Variants in SPATA18 observed in about 807,000 individuals in gnomAD.
SPATA18 encodes spermatogenesis associated 18, also known as mitochondria-eating protein.
In SPATA18, 54 loss-of-function variants were observed where a neutral mutation model predicts 68.1. That is an observed-to-expected ratio of 0.79 (90% CI 0.64 to 0.99). SPATA18 has a LOEUF of 0.99. SPATA18 is among the 50% of genes least tolerant of loss of function. The probability of loss-of-function intolerance (pLI) is 0.00; values close to 1 mark genes in which losing one functional copy is unlikely to be tolerated. For missense variants in SPATA18, 724 were observed against 681.1 expected, an observed-to-expected ratio of 1.06 and a Z score of -0.70; for synonymous variants, 242 against 244.8, an observed-to-expected ratio of 0.99 and a Z score of 0.11.
intron 1 of SPATA18, among the ~76,000 whole-genome samples, chr4:52,059,742 C>T (rs1316957479): frequency 4.6e-5 from 7 of 152,166 alleles, no homozygotes; most frequent in Non-Finnish European, 1.0e-4. Context: ...AGTGCCAAGT[C>T]CCTTATATCC....
At position 52,078,817 on chromosome 4, in the gene SPATA18, C is replaced by G; in HGVS notation, c.1103C>G (p.Ser368Trp). Residue 368 changes from serine (S) to tryptophan (W), a missense_variant, in exon 8 of 13, where the codon TCG (serine) becomes TGG (tryptophan). Transcript: ENST00000295213. The part of the protein sequence containing the change: ...RKSLTPSYVG[S>W]NDFENAVLDY... ...TCGTTGACACCATCTTATGTGGGGT[C>G]GAATGACTTTGAGAATGCTGTCTTG... 6.2e-7 allele frequency: 1 copy of G among 1,609,564 alleles called. No individual in the cohort carries two copies. Among genetic ancestry groups the G allele is most frequent in the Non-Finnish European group, 8.5e-7 (1 of 1,176,404 alleles).
At position 52,076,802 on chromosome 4, in the gene SPATA18, G is replaced by A. The variant is rs1162301219; in HGVS notation, c.782G>A (p.Ser261Asn). Residue 261 changes from serine to asparagine, a missense_variant, in exon 7 of 13, where the codon AGC becomes AAC. Transcript: ENST00000295213. ...QGRSSRSRSP[S>N]PAPRSRSCSR... ...AGGTCCTCCAGGAGCCGGTCTCCCA[G>A]CCCTGCCCCTCGCAGCCGTAGCTGC... The A allele has an allele frequency of 1.9e-6, 3 of 1,614,008 alleles. No homozygotes were observed. Among genetic ancestry groups the A allele is most frequent in the Non-Finnish European group, 2.5e-6 (3 of 1,179,928 alleles).
chr4:52,072,153 G>T lies in SPATA18; in HGVS notation c.755G>T (p.Gly252Val), dbSNP rs1246197338. 2.5e-6 allele frequency: 4 copies of T among 1,613,836 alleles called. No individual in the cohort carries two copies. The African/African-American group carries it at 4.0e-5, about 16-fold the overall frequency. Residue 252 changes from glycine (G) to valine (V), a missense_variant, in exon 6 of 13, where the codon GGA becomes GTA. Gly to Val is a moderately radical substitution (Grantham distance 109). Coordinates refer to ENST00000295213, the MANE Select transcript of SPATA18 (RefSeq NM_145263.4). ...TCTGCTGAGAAAAGTGCACTCCAAGGAAGGTCAGACAAACTCTCAAAGATC... is the reference window on the plus strand; with the variant it reads ...TCTGCTGAGAAAAGTGCACTCCAAGTAAGGTCAGACAAACTCTCAAAGATC... ...VLSAEKSALQ[G>V]RSSRSRSPSP...
chr4:52,078,651 G>A, intron 7 of SPATA18, 84 bp from the exon 8 acceptor site: 1 of 1,284,484 alleles, frequency 7.8e-7, no homozygotes, highest in Non-Finnish European at 1.1e-6. Context: ...TGATGTTGAA[G>A]CTCGGATTCT....
Position 52,076,816 on chromosome 4 carries a change from A to T in SPATA18, c.796A>T (p.Ser266Cys), listed in dbSNP as rs574643999. Reference protein sequence around the residue: ...RSRSPSPAPRSRSCSRSRSAS... With the variant: ...RSRSPSPAPRCRSCSRSRSAS... The stretch of plus-strand genomic sequence containing the variant: ...CCGGTCTCCCAGCCCTGCCCCTCGC[A>T]GCCGTAGCTGCAGCCGCAGCAGATC... The change falls in exon 7 of 13, where the codon AGC (serine) becomes TGC (cysteine). Residue 266 changes from serine (S) to cysteine (C), a missense_variant. Coordinates refer to ENST00000295213, the MANE Select transcript of SPATA18 (RefSeq NM_145263.4). The T allele has an allele frequency of 4.3e-6, 7 of 1,614,102 alleles. No individual in the cohort carries two copies. The East Asian group carries it at 1.6e-4, about 36-fold the overall frequency.
chr4:52,058,978 G>A (rs1738597517), intron 1 of SPATA18, among the ~76,000 whole-genome samples: 1 of 152,148 alleles, frequency 6.6e-6, no homozygotes, highest in Non-Finnish European at 1.5e-5. Context: ...CACTAATAGA[G>A]CCTGGCATAT....
intron 1 of SPATA18, 37 bp downstream of exon 1, chr4:52,051,828 C>G (rs761545566): frequency 9.6e-6 from 15 of 1,569,320 alleles, no homozygotes; most frequent in Middle Eastern, 1.7e-4. Flanking sequence ...GTTCGCCCTC[C>G]CATAGGTTCC....
chr4:52,062,404 G>T (rs1207910919), intron 4 of SPATA18, 72 bp downstream of exon 4: 1 of 1,032,076 alleles, frequency 9.7e-7, no homozygotes, highest in Non-Finnish European at 1.5e-6. Context: ...AATTCGAAAG[G>T]AGAATAATGG....
intron 6 of SPATA18, 43 bp from the exon 7 acceptor site, chr4:52,076,736 G>A: frequency 6.3e-7 from 1 of 1,599,686 alleles, no homozygotes; most frequent in Non-Finnish European, 8.5e-7. Context: ...TACTTAAGAA[G>A]CAAATCAAAG....
chr4:52,093,433 A>T (rs547178425), intron 11 of SPATA18, among the ~76,000 whole-genome samples: 1 of 152,288 alleles, frequency 6.6e-6, no homozygotes, highest in South Asian at 2.1e-4. Flanking sequence ...CTAAAAAATG[A>T]TAGGGAAATG....
chr4:52,072,223 G>T, intron 6 of SPATA18, 67 bp downstream of exon 6: 1 of 1,564,996 alleles, frequency 6.4e-7, no homozygotes, highest in Non-Finnish European at 8.6e-7. Flanking sequence ...TCGGGGAGGA[G>T]GAAATAAGTA....
chr4:52,080,420 C>T (rs1481587413), intron 9 of SPATA18, among the ~76,000 whole-genome samples: 1 of 152,176 alleles, frequency 6.6e-6, no homozygotes, highest in Admixed American at 6.5e-5. Flanking sequence ...AATTAATGCT[C>T]TTGACTCTTT....
At chr4:52,091,477 T>C (rs971062334) in intron 11 of SPATA18, among the ~76,000 whole-genome samples, 1 of 152,146 alleles carries the variant, frequency 6.6e-6, no homozygotes, top group Non-Finnish European at 1.5e-5. Context: ...GGTCTTTGAG[T>C]GGACATGCTA....
chr4:52,076,076 GA>G (rs1244042865), intron 6 of SPATA18, among the ~76,000 whole-genome samples: 1 of 152,178 alleles, frequency 6.6e-6, no homozygotes, highest in East Asian at 1.9e-4. Context: ...ACCTCACAGA[GA>G]GGCAAAACAT....
intron 2 of SPATA18, 77 bp from the exon 3 acceptor site, chr4:52,060,705 C>A (rs1169366154): frequency 7.9e-7 from 1 of 1,261,334 alleles, no homozygotes; most frequent in Non-Finnish European, 1.1e-6. Flanking sequence ...ATGTACACAA[C>A]GTGCAGGTTA....
Position 52,051,737 on chromosome 4 carries a change from C to G in SPATA18, c.33C>G (p.Asn11Lys). Residue 11 changes from asparagine to lysine, a missense_variant, in exon 1 of 13, where the codon AAC (asparagine) becomes AAG (lysine). By Grantham distance (94) the Asn-to-Lys change is moderately conservative. Coordinates refer to ENST00000295213, the MANE Select transcript of SPATA18 (RefSeq NM_145263.4). Reference protein sequence around the residue: MAENLKRLVSNETLRTLQEKL... With the variant: MAENLKRLVSKETLRTLQEKL... ...AAAACCTGAAAAGACTGGTCTCAAA[C>G]GAAACTTTACGAACGTTGCAGGAAA... 1 of 1,614,214 alleles carries G rather than the reference C, an allele frequency of 6.2e-7. No homozygotes were observed. Among genetic ancestry groups the G allele is most frequent in the African/African-American group, 1.3e-5 (1 of 75,072 alleles).
chr4:52,076,934 G>A lies in SPATA18; in HGVS notation c.914G>A (p.Arg305Gln), dbSNP rs140245632. ...NVARKAALLSRFSDSYSQARL... is the reference protein window; with the variant it reads ...NVARKAALLSQFSDSYSQARL... ...GCGCGCAAGGCTGCCCTCTTGTCCC[G>A]GTTCAGCGATTCCTATTCCCAGGCC... The change falls in exon 7 of 13, where the codon CGG becomes CAG. Residue 305 changes from arginine to glutamine, a missense_variant. By Grantham distance (43) the Arg-to-Gln change is conservative (BLOSUM62 1). Transcript: ENST00000295213. The A allele has an allele frequency of 2.8e-5, 46 of 1,614,064 alleles. No individual in the cohort carries two copies. The African/African-American group carries it at 5.6e-4, about 20-fold the overall frequency.
chr4:52,051,518 C>T lies in SPATA18; in HGVS notation c.-187C>T. 2 of 613,718 alleles carry T rather than the reference C, an allele frequency of 3.3e-6. No individual in the cohort carries two copies. The highest frequency in any genetic ancestry group is 2.0e-5 in the South Asian group (1 of 50,264). The allele number at this position is 613,718 out of a possible 1,614,324, so 38.0% of individuals were successfully genotyped here. A position where few individuals can be genotyped will look rare whatever the true frequency, so the allele number is the denominator to read the frequency against. On this transcript the variant is annotated 5_prime_UTR_variant, in exon 1 of 13. Coordinates refer to ENST00000295213, the MANE Select transcript of SPATA18 (RefSeq NM_145263.4). ...GCGCGGCGGCTGCGGCCCAGGGCAC[C>T]TCCCCTCTGGCTTCCCGAACCCGGC...
Position 52,078,075 on chromosome 4 carries a change from A to G in SPATA18, c.1021-660A>G, listed in dbSNP as rs550023109. ...AAATACTACTGTCTGAAAGCTAAGA[A>G]TGTAAGAATGTTTTTAGATTTTTAA... On this transcript the variant is annotated intron_variant, in intron 7 of 12. Coordinates refer to ENST00000295213, the MANE Select transcript of SPATA18 (RefSeq NM_145263.4). Among the ~76,000 whole-genome samples, 74 of 146,396 alleles carry G rather than the reference A, an allele frequency of 5.1e-4. 1 individual carries two copies. In the South Asian group the frequency reaches 5.9e-3, roughly 12 times the overall value.
Sources: allele counts gnomAD v4.1 joint callset (sites outside exome capture counted in the v4.1 genomes callset), GRCh38; gene constraint gnomAD v4.1.1; transcripts MANE v1.5; gene names NCBI Gene and HGNC (gene_info 2026-07-23, HGNC 2026-07-21).